Variants in C10orf90 observed in about 807,000 individuals in gnomAD.
C10orf90 encodes chromosome 10 open reading frame 90.
A neutral mutation model predicts 62.5 loss-of-function variants in C10orf90; 56 were observed. That is an observed-to-expected ratio of 0.90 (90% CI 0.72 to 1.12). C10orf90 has a LOEUF of 1.12. C10orf90 is among the 50% of genes most tolerant of loss of function. The probability of loss-of-function intolerance (pLI) is 0.00; values close to 1 mark genes in which losing one functional copy is unlikely to be tolerated. For synonymous variants in C10orf90, 386 were observed against 340.4 expected (o/e 1.13, Z -1.47); for missense variants, 970 against 880.4 (o/e 1.10, Z -1.29).
At chr10:126,668,084 A>G (rs1846669704) in intron 1 of C10orf90, among the ~76,000 whole-genome samples, 3 of 152,088 alleles carry the variant, frequency 2.0e-5, no homozygotes, top group Admixed American at 2.0e-4. Flanking sequence ...AACCATTAAG[A>G]CAGCTCAGGA....
intron 2 of C10orf90, among the ~76,000 whole-genome samples, chr10:126,616,076 A>G (rs558267387): frequency 6.6e-6 from 1 of 152,206 alleles, no homozygotes; most frequent in South Asian, 2.1e-4. Flanking sequence ...CTGCTGGACC[A>G]TTGACCAGAG....
At chr10:126,584,312 G>T (rs558567095) in intron 2 of C10orf90, among the ~76,000 whole-genome samples, 1 of 151,176 alleles carries the variant, frequency 6.6e-6, no homozygotes, top group East Asian at 2.0e-4. Flanking sequence ...CCACCTGCTC[G>T]TCCATCTGCC....
intron 7 of C10orf90, among the ~76,000 whole-genome samples, chr10:126,445,951 G>A (rs2134047025): frequency 6.6e-6 from 1 of 151,878 alleles, no homozygotes; most frequent in East Asian, 2.0e-4. Context: ...TGAGAGCTAA[G>A]CTATGAGGAT....
intron 5 of C10orf90, among the ~76,000 whole-genome samples, chr10:126,462,937 G>C (rs751823878): frequency 6.6e-6 from 1 of 152,174 alleles, no homozygotes; most frequent in Non-Finnish European, 1.5e-5. Flanking sequence ...ACACCACTTA[G>C]AAGGTTTCCA....
At chr10:126,539,200 G>A (rs1370109) in intron 2 of C10orf90, among the ~76,000 whole-genome samples, 99,168 of 152,138 alleles carry the variant, frequency 0.65, 33,361 homozygotes, top group African/African-American at 0.82. Context: ...TTTGGAATGC[G>A]CAGCAACCCA....
rs765173646 is a variant in C10orf90 at position 126,464,862 on chromosome 10, TGGAGAGCTATC to T, written c.1648_1658del (p.Asp550LysfsTer3). On this transcript the variant is annotated frameshift_variant, in exon 5 of 10. Coordinates refer to ENST00000488181, the MANE Select transcript of C10orf90 (RefSeq NM_001350921.2). LOFTEE classifies it high-confidence loss of function. ...GGTCTCTAGACAGACAGTCATCGCT[TGGAGAGCTATC>T]CCCAATGGGAAGGAAATGTCTAGTG... The T allele has an allele frequency of 3.0e-5, 48 of 1,614,072 alleles. No homozygotes were observed. The highest frequency in any genetic ancestry group is 4.1e-5 in the Non-Finnish European group (48 of 1,180,030).
intron 4 of C10orf90, among the ~76,000 whole-genome samples, chr10:126,480,128 A>G (rs1451458681): frequency 1.3e-5 from 2 of 152,222 alleles, no homozygotes; most frequent in Non-Finnish European, 2.9e-5. Context: ...TTTCCTAAAG[A>G]CTTTTATTAT....
intron 2 of C10orf90, among the ~76,000 whole-genome samples, chr10:126,516,911 T>C (rs1451509078): frequency 1.3e-5 from 2 of 150,482 alleles, no homozygotes; most frequent in South Asian, 4.2e-4. Context: ...CTGCTTCCAA[T>C]ATCACATCTC....
At chr10:126,652,794 A>T (rs1239117580) in intron 1 of C10orf90, among the ~76,000 whole-genome samples, 1 of 152,172 alleles carries the variant, frequency 6.6e-6, no homozygotes, top group African/African-American at 2.4e-5. Context: ...AAAGAGGTAG[A>T]TTTCCCCAGA....
intron 7 of C10orf90, among the ~76,000 whole-genome samples, chr10:126,430,317 C>T (rs952016311): frequency 4.6e-5 from 7 of 152,254 alleles, no homozygotes; most frequent in African/African-American, 1.4e-4. Flanking sequence ...AGCCTCTGCA[C>T]GATAAAGACC....
chr10:126,569,194 C>G (rs1844455505), intron 2 of C10orf90, among the ~76,000 whole-genome samples: 1 of 152,152 alleles, frequency 6.6e-6, no homozygotes, highest in African/African-American at 2.4e-5. Context: ...TGGGTAGCCA[C>G]AGGGTGGCCA....
intron 8 of C10orf90, among the ~76,000 whole-genome samples, chr10:126,427,062 T>C (rs1009044524): frequency 1.3e-5 from 2 of 152,206 alleles, no homozygotes; most frequent in East Asian, 1.9e-4. Context: ...GATTCAAACC[T>C]TGGTCTGTTT....
At chr10:126,568,157 GC>G (rs1427841757) in intron 2 of C10orf90, among the ~76,000 whole-genome samples, 1 of 152,120 alleles carries the variant, frequency 6.6e-6, no homozygotes, top group Non-Finnish European at 1.5e-5. Flanking sequence ...CACAAATGGA[GC>G]CCTCAGAATA....
intron 4 of C10orf90, among the ~76,000 whole-genome samples, chr10:126,469,224 A>C (rs575650839): frequency 6.6e-6 from 1 of 152,356 alleles, no homozygotes; most frequent in South Asian, 2.1e-4. Context: ...AACTCACATT[A>C]GAATCATTTA....
rs59077222 is a variant in C10orf90, at chr10:126,540,665, T to TA, written c.314-26727dup. ...CAGGGTGACAAAGTGAGACCTTGTC[T>TA]AAAAAAAAAAAAAAAAAAAGAACCA... On this transcript the variant is annotated intron_variant, in intron 2 of 9. Transcript: ENST00000488181. Among the ~76,000 whole-genome samples, 29 of 134,732 alleles carry TA rather than the reference T, an allele frequency of 2.2e-4. No individual in the cohort carries two copies. The South Asian group carries it at 3.4e-3, about 16-fold the overall frequency. 88.4% of individuals were successfully genotyped at this position (134,732 alleles called of 152,430 possible).
chr10:126,547,689 TAAGAGGGTC>T (rs1448188521), intron 2 of C10orf90, among the ~76,000 whole-genome samples: 1 of 151,878 alleles, frequency 6.6e-6, no homozygotes, highest in Admixed American at 6.6e-5. Context: ...ATGGAAACTG[TAAGAGGGTC>T]AAATGAAAAT....
intron 4 of C10orf90, among the ~76,000 whole-genome samples, chr10:126,466,885 C>T (rs759502591): frequency 3.9e-5 from 6 of 152,150 alleles, no homozygotes; most frequent in Non-Finnish European, 7.4e-5. Flanking sequence ...AAATATGTTT[C>T]CAAACTTTTA....
intron 4 of C10orf90, among the ~76,000 whole-genome samples, chr10:126,501,217 C>A (rs1202701034): frequency 6.6e-6 from 1 of 152,218 alleles, no homozygotes; most frequent in African/African-American, 2.4e-5. Context: ...AGCAAGCTCA[C>A]CCTCCACACG....
chr10:126,602,567 G>A (rs965725745), intron 2 of C10orf90, among the ~76,000 whole-genome samples: 1 of 152,162 alleles, frequency 6.6e-6, no homozygotes, highest in African/African-American at 2.4e-5. Flanking sequence ...CTTTAAAGGT[G>A]GGAGCAGCAC....
Sources: allele counts gnomAD v4.1 joint callset (sites outside exome capture counted in the v4.1 genomes callset), GRCh38; gene constraint gnomAD v4.1.1; transcripts MANE v1.5; gene names NCBI Gene and HGNC (gene_info 2026-07-23, HGNC 2026-07-21).